Variants in PRPF3 observed in about 807,000 individuals in gnomAD.
PRPF3 encodes pre-mRNA processing factor 3.
Under a neutral mutation model 89.2 loss-of-function variants are expected in PRPF3, and 3 were observed. That is an observed-to-expected ratio of 0.03 (90% CI 0.02 to 0.09). The LOEUF (loss-of-function observed/expected upper bound fraction) is 0.09, where lower values mean the gene tolerates loss of function less well. Ranked by LOEUF, PRPF3 falls within the 10% of genes least tolerant of loss-of-function variation. PRPF3 has a pLI of 1.00. For missense variants in PRPF3, 463 were observed against 828.8 expected, an observed-to-expected ratio of 0.56 and a Z score of 5.42; for synonymous variants, 270 against 289.1, an observed-to-expected ratio of 0.93 and a Z score of 0.67.
Position 150,332,664 on chromosome 1 carries a change from AT to A in PRPF3, c.424-13del. ...AGAAGGAGAAATTAACAGTTTTTCAATTTTTTTCCTGGAGAGCAGATCAAAC... is the reference window on the plus strand; with the variant it reads ...AGAAGGAGAAATTAACAGTTTTTCAATTTTTTCCTGGAGAGCAGATCAAAC... On this transcript the variant is annotated intron_variant, in intron 4 of 15. Coordinates refer to ENST00000324862, the MANE Select transcript of PRPF3 (RefSeq NM_004698.4). 6.2e-7 allele frequency: 1 copy of A among 1,613,356 alleles called. No homozygotes were observed. The highest frequency in any genetic ancestry group is 8.5e-7 in the Non-Finnish European group (1 of 1,179,344).
chr1:150,325,499 A>G (rs1655603264), intron 2 of PRPF3, among the ~76,000 whole-genome samples: 2 of 152,140 alleles, frequency 1.3e-5, no homozygotes, highest in African/African-American at 2.4e-5. Flanking sequence ...GAGGGTGGTT[A>G]TTCATCTCAA....
At chr1:150,323,704 T>C (rs1432394058) in intron 1 of PRPF3, among the ~76,000 whole-genome samples, 1 of 151,762 alleles carries the variant, frequency 6.6e-6, no homozygotes, top group Non-Finnish European at 1.5e-5. Context: ...ACCCTGTAGA[T>C]TGAACATGAT....
intron 6 of PRPF3, among the ~76,000 whole-genome samples, chr1:150,334,380 T>G (rs1656748618): frequency 6.6e-6 from 1 of 152,188 alleles, no homozygotes; most frequent in African/African-American, 2.4e-5. Context: ...GTTGTTGTTG[T>G]TGTTGAGAGG....
intron 7 of PRPF3, among the ~76,000 whole-genome samples, chr1:150,337,386 G>T (rs888372002): frequency 7.9e-5 from 12 of 152,086 alleles, no homozygotes; most frequent in Non-Finnish European, 1.3e-4. Flanking sequence ...ACTGTGGAGT[G>T]CAGGGAGGGG....
chr1:150,349,044 G>A, intron 14 of PRPF3, 113 bp from the exon 15 acceptor site: 2 of 885,854 alleles, frequency 2.3e-6, no homozygotes, highest in South Asian at 2.7e-5. Flanking sequence ...GAGAACACTT[G>A]GTCCAACACA....
intron 14 of PRPF3, 106 bp downstream of exon 14, chr1:150,346,597 G>T: frequency 5.1e-6 from 6 of 1,173,002 alleles, no homozygotes; most frequent in Non-Finnish European, 7.5e-6. Flanking sequence ...GATAACACTA[G>T]ATAGTGTTCA....
intron 8 of PRPF3, among the ~76,000 whole-genome samples, chr1:150,339,376 CAA>C (rs111630557): frequency 2.2e-5 from 3 of 136,958 alleles, no homozygotes. Context: ...AACTCTGTCT[CAA>C]AAAAAAAAAG....
intron 14 of PRPF3, 189 bp from the exon 15 acceptor site, chr1:150,348,968 C>T (rs1036379763): frequency 4.9e-6 from 3 of 616,314 alleles, no homozygotes; most frequent in Non-Finnish European, 8.7e-6. Flanking sequence ...CTAATTGTAT[C>T]AATTAATATT....
intron 6 of PRPF3, among the ~76,000 whole-genome samples, chr1:150,334,155 A>C (rs1656724356): frequency 6.6e-6 from 1 of 152,080 alleles, no homozygotes; most frequent in African/African-American, 2.4e-5. Context: ...ATATACAAAA[A>C]TTAGCCAGGC....
chr1:150,347,027 G>A (rs1658335632), intron 14 of PRPF3, among the ~76,000 whole-genome samples: 1 of 152,166 alleles, frequency 6.6e-6, no homozygotes, highest in Non-Finnish European at 1.5e-5. Flanking sequence ...GGGAGGTCGA[G>A]GCTGCAGTAA....
In PRPF3 at chr1:150,332,664, A is replaced by AT; in HGVS notation, c.424-13dup. On this transcript the variant is annotated intron_variant, in intron 4 of 15. Transcript: ENST00000324862. ...AGAAGGAGAAATTAACAGTTTTTCAATTTTTTTCCTGGAGAGCAGATCAAA... is the reference window on the plus strand; with the variant it reads ...AGAAGGAGAAATTAACAGTTTTTCAATTTTTTTTCCTGGAGAGCAGATCAAA... The AT allele has an allele frequency of 1.9e-6, 3 of 1,613,358 alleles. No homozygotes were observed. Among genetic ancestry groups the AT allele is most frequent in the East Asian group, 2.2e-5 (1 of 44,864 alleles).
chr1:150,334,401 C>G (rs1656751277), intron 6 of PRPF3, among the ~76,000 whole-genome samples: 1 of 152,148 alleles, frequency 6.6e-6, no homozygotes, highest in Admixed American at 6.6e-5. Flanking sequence ...GAGTCTCACT[C>G]TGTCACCCAG....
chr1:150,339,375 T>TC (rs1553869390), intron 8 of PRPF3, among the ~76,000 whole-genome samples: 1 of 129,340 alleles, frequency 7.7e-6, no homozygotes, highest in African/African-American at 3.3e-5. Flanking sequence ...AAACTCTGTC[T>TC]CAAAAAAAAA....
intron 14 of PRPF3, chr1:150,348,727 C>G (rs894397439): frequency 4.6e-6 from 1 of 217,824 alleles, no homozygotes; most frequent in East Asian, 1.2e-4. Flanking sequence ...CCTCCCAAAG[C>G]GCTAGGATTA....
At chr1:150,332,886 A>C (rs1360691771) in intron 5 of PRPF3, 93 bp from the exon 6 acceptor site, 1 of 1,489,134 alleles carries the variant, frequency 6.7e-7, no homozygotes, top group Non-Finnish European at 9.3e-7. Flanking sequence ...CATCTGCTAC[A>C]GTCTACCATG....
At chr1:150,337,194 A>G (rs2101986437) in intron 7 of PRPF3, among the ~76,000 whole-genome samples, 1 of 151,828 alleles carries the variant, frequency 6.6e-6, no homozygotes, top group East Asian at 2.0e-4. Context: ...GCCCGCCACC[A>G]CGCCCGGCTA....
At chr1:150,338,990 C>A (rs1443278288) in intron 8 of PRPF3, among the ~76,000 whole-genome samples, 22 of 151,858 alleles carry the variant, frequency 1.4e-4, no homozygotes, top group African/African-American at 5.3e-4. Flanking sequence ...TCTTTTGCTA[C>A]GTATTATAGG....
chr1:150,346,283 G>A, intron 13 of PRPF3, 125 bp from the exon 14 acceptor site: 1 of 1,242,312 alleles, frequency 8.0e-7, no homozygotes, highest in Non-Finnish European at 1.2e-6. Flanking sequence ...GTTTTTTGGA[G>A]TAGAAGGCCC....
rs1553872402 is a variant in PRPF3 at position 150,344,563 on chromosome 1, G to A, written c.1640+16G>A. On this transcript the variant is annotated intron_variant, in intron 12 of 15. Transcript: ENST00000324862. ...CTGTATATAGGTAGGTGTCCATACT[G>A]GGCCAAACTTCCCCTTAGAATTACT... The A allele has an allele frequency of 6.2e-7, 1 of 1,612,876 alleles. No individual in the cohort carries two copies. Among genetic ancestry groups the A allele is most frequent in the East Asian group, 2.2e-5 (1 of 44,874 alleles).
Sources: gnomAD v4.1 joint callset for allele counts (sites outside exome capture counted in the v4.1 genomes callset) on GRCh38, gnomAD v4.1.1 for gene constraint, MANE v1.5 for transcripts, NCBI Gene and HGNC (gene_info 2026-07-23, HGNC 2026-07-21) for gene names.